The following AFF1 variants were observed in gnomAD, a reference collection of about 807,000 sequenced individuals.
The protein encoded by AFF1 is AF4/FMR2 family member 1.
Under a neutral mutation model 121.7 loss-of-function variants are expected in AFF1, and 48 were observed. The ratio of observed to expected loss-of-function variants is 0.39; its 90% CI spans 0.31 to 0.50. AFF1 has a LOEUF of 0.50. AFF1 is among the 20% of genes least tolerant of loss of function. The pLI, the probability that AFF1 is intolerant of heterozygous loss-of-function variation, is 0.76. For synonymous variants in AFF1, 613 were observed against 563.0 expected (o/e 1.09, Z -1.26); for missense variants, 1,523 against 1,511.7 (o/e 1.01, Z -0.12).
chr4:86,958,371 G>A (rs1403531142), intron 2 of AFF1, among the ~76,000 whole-genome samples: 1 of 152,054 alleles, frequency 6.6e-6, no homozygotes, highest in African/African-American at 2.4e-5. Flanking sequence ...GATTACAGGC[G>A]TGAGTCACCG....
Position 87,135,914 on chromosome 4 carries a change from C to T in AFF1, c.*213C>T. Reference sequence around the variant, plus strand: ...AGAAGCAGAGATGAGGAGGCTGGCCCCAGAGATGATCTTGCCCTTCCTAAC... The same window carrying T: ...AGAAGCAGAGATGAGGAGGCTGGCCTCAGAGATGATCTTGCCCTTCCTAAC... On this transcript the variant is annotated 3_prime_UTR_variant, in exon 21 of 21. Transcript: ENST00000395146. The T allele has an allele frequency of 1.4e-6, 1 of 701,128 alleles. No homozygotes were observed. Among genetic ancestry groups the T allele is most frequent in the Non-Finnish European group, 2.1e-6 (1 of 484,386 alleles). 43.4% of individuals were successfully genotyped at this position (701,128 alleles called of 1,614,324 possible). A position where few individuals can be genotyped will look rare whatever the true frequency, so the allele number is the denominator to read the frequency against.
intron 2 of AFF1, among the ~76,000 whole-genome samples, chr4:87,021,224 C>T (rs550100855): frequency 1.6e-4 from 24 of 152,158 alleles, no homozygotes; most frequent in Non-Finnish European, 2.8e-4. Flanking sequence ...TGTAAAACCT[C>T]ATCCTGTTTT....
At chr4:87,086,029 G>A (rs1185452132) in intron 5 of AFF1, among the ~76,000 whole-genome samples, 1 of 152,114 alleles carries the variant, frequency 6.6e-6, no homozygotes, top group Admixed American at 6.5e-5. Flanking sequence ...GTGAGCCACC[G>A]TACCTGGCTG....
intron 2 of AFF1, among the ~76,000 whole-genome samples, chr4:86,991,028 TG>T: frequency 6.6e-6 from 1 of 152,150 alleles, no homozygotes; most frequent in East Asian, 1.9e-4. Context: ...GGCGGGCGCC[TG>T]TAATCCCAGC....
At chr4:87,115,625 T>TTTTTTTTTTTTTTCC (rs397994396) in intron 12 of AFF1, among the ~76,000 whole-genome samples, 67 of 103,030 alleles carry the variant, frequency 6.5e-4, no homozygotes, top group East Asian at 1.1e-3. Flanking sequence ...TTTTTTTTTT[T>TTTTTTTTTTTTTTCC]CCAAAGACAG....
intron 6 of AFF1, among the ~76,000 whole-genome samples, chr4:87,090,335 C>T (rs1016653257): frequency 2.0e-5 from 3 of 152,156 alleles, no homozygotes; most frequent in African/African-American, 7.2e-5. Context: ...AGGATCCTTA[C>T]TTTAGAGATG....
rs1729448615 is a variant in AFF1 at position 87,138,164 on chromosome 4, G to T, written c.*2463G>T. 1 of 232,272 alleles carries T rather than the reference G, an allele frequency of 4.3e-6. No homozygotes were observed. The highest frequency in any genetic ancestry group is 6.1e-5 in the East Asian group (1 of 16,434). 14.4% of individuals were successfully genotyped at this position (232,272 alleles called of 1,614,324 possible). ...CTTATTGCATTGTACCTAAAGGAGA[G>T]TAACTAATGGTAACCTTTTTAATAG... On this transcript the variant is annotated 3_prime_UTR_variant, in exon 21 of 21. Coordinates refer to ENST00000395146, the MANE Select transcript of AFF1 (RefSeq NM_001166693.3).
chr4:86,963,962 G>GGTTTTTTTTT (rs1722337594), intron 2 of AFF1, among the ~76,000 whole-genome samples: 1 of 97,570 alleles, frequency 1.0e-5, no homozygotes, highest in Admixed American at 9.9e-5. Flanking sequence ...TGACTAGACT[G>GGTTTTTTTTT]GTTTTTTTTT....
chr4:87,071,895 T>C (rs975261260), intron 4 of AFF1, among the ~76,000 whole-genome samples: 18 of 152,106 alleles, frequency 1.2e-4, no homozygotes, highest in Non-Finnish European at 2.5e-4. Context: ...TTAAGTTAGA[T>C]TGTGCCTCAA....
intron 6 of AFF1, 44 bp downstream of exon 6, chr4:87,090,114 A>T (rs1422375468): frequency 1.3e-6 from 2 of 1,499,290 alleles, no homozygotes; most frequent in Non-Finnish European, 1.9e-6. Flanking sequence ...CACCTTAGTG[A>T]AAAGCGTAAG....
At chr4:87,002,378 G>A (rs1403246340) in intron 2 of AFF1, among the ~76,000 whole-genome samples, 1 of 149,768 alleles carries the variant, frequency 6.7e-6, no homozygotes, top group Non-Finnish European at 1.5e-5. Flanking sequence ...TTACAGGTGT[G>A]AGCCACCAGG....
In AFF1 at chr4:87,132,338, T is replaced by G. The variant is rs1456212365; in HGVS notation, c.3241T>G (p.Ser1081Ala). ...TAAAAAAGACATAGCAATAAAGTAT[T>G]CTCGTACTCTTAATAAACACTTCGA... ...RCKKDIAIKY[S>A]RTLNKHFESS... is the part of the protein sequence containing the mutation. Residue 1081 changes from serine to alanine, a missense_variant, in exon 19 of 21, where the codon TCT becomes GCT. By Grantham distance (99) the Ser-to-Ala change is moderately conservative. Around this residue, in one of 5 missense-constraint regions of AFF1, gnomAD observed 241 missense variants for 265.2 expected, o/e 0.91. Transcript: ENST00000395146. 19 of 1,613,262 alleles carry G rather than the reference T, an allele frequency of 1.2e-5. No individual in the cohort carries two copies. The highest frequency in any genetic ancestry group is 1.5e-5 in the Non-Finnish European group (18 of 1,179,804).
At chr4:87,107,871 A>T in intron 10 of AFF1, among the ~76,000 whole-genome samples, 1 of 152,232 alleles carries the variant, frequency 6.6e-6, no homozygotes, top group Non-Finnish European at 1.5e-5. Context: ...CCAACCCTTG[A>T]TATGAAGCAC....
intron 12 of AFF1, among the ~76,000 whole-genome samples, chr4:87,123,788 G>T (rs1578303486): frequency 6.6e-6 from 1 of 152,084 alleles, no homozygotes; most frequent in African/African-American, 2.4e-5. Context: ...TCTTAAACTC[G>T]GGAGGAGAGG....
chr4:87,090,427 C>T (rs1310999866), intron 6 of AFF1, among the ~76,000 whole-genome samples: 1 of 152,202 alleles, frequency 6.6e-6, no homozygotes, highest in Non-Finnish European at 1.5e-5. Flanking sequence ...ACATATCTCA[C>T]ACTCCCTACA....
At chr4:87,098,615 C>A (rs952938887) in intron 8 of AFF1, among the ~76,000 whole-genome samples, 1 of 152,176 alleles carries the variant, frequency 6.6e-6, no homozygotes, top group Non-Finnish European at 1.5e-5. Flanking sequence ...TTTGTATATT[C>A]TAGCTAACTT....
chr4:87,048,922 T>C (rs1162259856), intron 4 of AFF1, among the ~76,000 whole-genome samples: 6 of 152,162 alleles, frequency 3.9e-5, no homozygotes, highest in Non-Finnish European at 1.5e-5. Flanking sequence ...TGTGCTGTGA[T>C]GGAGGTAGGG....
At chr4:87,040,045 C>G (rs1416497474) in intron 2 of AFF1, among the ~76,000 whole-genome samples, 4 of 152,156 alleles carry the variant, frequency 2.6e-5, no homozygotes. Flanking sequence ...GCACGTGCCA[C>G]TACGCCCGGT....
chr4:86,958,945 A>G (rs1015334755), intron 2 of AFF1, among the ~76,000 whole-genome samples: 3 of 152,174 alleles, frequency 2.0e-5, no homozygotes, highest in Non-Finnish European at 2.9e-5. Flanking sequence ...ACTTGTTTCG[A>G]TATAGCAGTA....
Sources: allele counts gnomAD v4.1 joint callset (sites outside exome capture counted in the v4.1 genomes callset), GRCh38; gene constraint gnomAD v4.1.1; regional missense constraint gnomAD v4.1.1; transcripts MANE v1.5; gene names NCBI Gene and HGNC (gene_info 2026-07-23, HGNC 2026-07-21).